AGBL5: variants seen among roughly 807,000 people sequenced by gnomAD.
The protein encoded by AGBL5 is AGBL carboxypeptidase 5, also known as cytosolic carboxypeptidase-like protein 5.
AGBL5 carries 51 observed loss-of-function variants against 88.0 expected under a neutral mutation model. That is an observed-to-expected ratio of 0.58 (90% CI 0.46 to 0.73). AGBL5 has a LOEUF of 0.73. Among genes scored for constraint, AGBL5 ranks in the 30% least tolerant of loss-of-function variants. The pLI is 0.00. For missense variants in AGBL5, 1,031 were observed against 1,162.2 expected, an observed-to-expected ratio of 0.89 and a Z score of 1.64; for synonymous variants, 446 against 438.8, an observed-to-expected ratio of 1.02 and a Z score of -0.21.
At chr2:27,054,206 T>G in intron 4 of AGBL5, 147 bp downstream of exon 4, 1 of 1,002,234 alleles carries the variant, frequency 1.0e-6, no homozygotes, top group Non-Finnish European at 1.4e-6. Context: ...TGGGTACCTT[T>G]GAAAACTATG....
In AGBL5 at chr2:27,055,742, C is replaced by T; in HGVS notation, c.969C>T (p.His323=). ...RQYLKPDAVL[H]PAIYGAKAVL... ...ACCTGAAGCCTGATGCCGTCCTGCA[C>T]CCGGCCATCTATGGGGCCAAAGCTG... The change falls in exon 7 of 15, where the codon CAC becomes CAT. Residue 323 remains histidine (H), a synonymous_variant. Transcript: ENST00000360131. 6.2e-7 allele frequency: 1 copy of T among 1,614,174 alleles called. No homozygotes were observed. Among genetic ancestry groups the T allele is most frequent in the Non-Finnish European group, 8.5e-7 (1 of 1,180,030 alleles).
At chr2:27,050,938 C>T (rs1338350447), upstream of AGBL5, 4 of 152,232 alleles carry the variant, frequency 2.6e-5, no homozygotes, top group Admixed American at 6.5e-5. Context: ...TGGAGGCCTC[C>T]TGTGACTTAG....
Position 27,070,121 on chromosome 2 carries a change from G to C in AGBL5, c.2519G>C (p.Arg840Pro), listed in dbSNP as rs140335340. 6.2e-7 allele frequency: 1 copy of C among 1,613,852 alleles called. No individual in the cohort carries two copies. The highest frequency in any genetic ancestry group is 2.2e-5 in the East Asian group (1 of 44,892). Reference sequence around the variant, plus strand: ...CCTCAGGCCAGGCCCCCACGGCCCCGCTCTGCCCCTGCCTTTTCTCCTATA... The same window carrying C: ...CCTCAGGCCAGGCCCCCACGGCCCCCCTCTGCCCCTGCCTTTTCTCCTATA... ...GLPQARPPRP[R>P]SAPAFSPISC... The change falls in exon 15 of 15, where the codon CGC (arginine) becomes CCC (proline). Residue 840 changes from arginine (R) to proline (P), a missense_variant. Physicochemically the swap from Arg to Pro is moderately radical, Grantham distance 103 (BLOSUM62 -2). Transcript: ENST00000360131.
intron 11 of AGBL5, chr2:27,062,814 G>C (rs1426518827): frequency 1.3e-5 from 2 of 152,316 alleles, no homozygotes; most frequent in Non-Finnish European, 2.9e-5. Flanking sequence ...AACAGAGCTG[G>C]TGGGTGGAGA....
At chr2:27,050,777 C>T (rs72808940), upstream of AGBL5, among the ~76,000 whole-genome samples, 76 of 152,328 alleles carry the variant, frequency 5.0e-4, 1 homozygote, top group South Asian at 8.3e-4. Flanking sequence ...CTTATCGCAG[C>T]GGAGCCTTCG....
chr2:27,054,463 A>G (rs565637270), intron 4 of AGBL5, among the ~76,000 whole-genome samples, 167 bp from the exon 5 acceptor site: 51 of 152,208 alleles, frequency 3.4e-4, no homozygotes, highest in Non-Finnish European at 6.2e-4. Flanking sequence ...CATTCTGGCA[A>G]TGTAAACCCA....
chr2:27,069,943 C>T, intron 14 of AGBL5, 149 bp from the exon 15 acceptor site: 1 of 1,486,816 alleles, frequency 6.7e-7, no homozygotes, highest in Non-Finnish European at 8.9e-7. Context: ...TGGCTGGTTC[C>T]AGCGTCAAAC....
intron 6 of AGBL5, 110 bp downstream of exon 6, chr2:27,055,363 C>T (rs1668376402): frequency 5.7e-6 from 8 of 1,401,534 alleles, no homozygotes; most frequent in South Asian, 5.3e-5. Context: ...CCTCTTGCAC[C>T]CTAATAAAGG....
Position 27,056,019 on chromosome 2 carries a change from G to T in AGBL5, c.1246G>T (p.Ala416Ser), listed in dbSNP as rs1668412481. 3 of 1,614,252 alleles carry T rather than the reference G, an allele frequency of 1.9e-6. No individual in the cohort carries two copies. The highest frequency in any genetic ancestry group is 2.5e-6 in the Non-Finnish European group (3 of 1,180,048). ...ACAGTCTGCGGGGCTTGAAGAGTCA[G>T]CCCCTGATACCATCCCCCCCAAAGA... Reference protein sequence around the residue: ...PQQSAGLEESAPDTIPPKESG... With the variant: ...PQQSAGLEESSPDTIPPKESG... The change falls in exon 7 of 15, where the codon GCC becomes TCC. Residue 416 changes from alanine to serine, a missense_variant. By Grantham distance (99) the Ala-to-Ser change is moderately conservative. This residue lies in a region of AGBL5 where 540 missense variants were observed against 678.2 expected (regional missense o/e 0.80). Transcript: ENST00000360131.
Position 27,053,404 on chromosome 2 carries a change from C to T in AGBL5, c.218C>T (p.Ser73Leu), listed in dbSNP as rs1668275259. ...CTCTCTCTTACTCTGGTCCTCAGGT[C>T]ATGGTTCTACTTCAGCGTCCGGGGA... is the stretch of plus-strand genomic sequence containing the variant. ...AETEFENGNR[S>L]WFYFSVRGGM... Residue 73 changes from serine (S) to leucine (L), a missense_variant and splice_region_variant, in exon 3 of 15, where the codon TCA becomes TTA. Physicochemically the swap from Ser to Leu is moderately radical, Grantham distance 145 (BLOSUM62 -2). Coordinates refer to ENST00000360131, the MANE Select transcript of AGBL5 (RefSeq NM_021831.6). This position sits in a 1 kb window ranked among gnomAD's most constrained non-coding sequence, Gnocchi z 4.9. 2 of 1,613,786 alleles carry T rather than the reference C, an allele frequency of 1.2e-6. No homozygotes were observed. Among genetic ancestry groups the T allele is most frequent in the South Asian group, 1.1e-5 (1 of 91,052 alleles).
intron 11 of AGBL5, among the ~76,000 whole-genome samples, chr2:27,063,650 T>C (rs1479826648): frequency 2.0e-5 from 3 of 150,384 alleles, no homozygotes; most frequent in Admixed American, 2.0e-4. Context: ...AGGGCATAAA[T>C]CAGGTCTGTG....
intron 11 of AGBL5, among the ~76,000 whole-genome samples, chr2:27,067,252 TAAAAAAAA>T (rs36064257): frequency 9.6e-6 from 1 of 104,482 alleles, no homozygotes; most frequent in Non-Finnish European, 2.0e-5. Context: ...TGGAAACCTT[TAAAAAAAA>T]AAAAAAAAAA....
Position 27,059,357 on chromosome 2 carries a change from G to A in AGBL5, c.2042G>A (p.Gly681Asp). The A allele has an allele frequency of 6.2e-7, 1 of 1,614,244 alleles. No homozygotes were observed. The highest frequency in any genetic ancestry group is 8.5e-7 in the Non-Finnish European group (1 of 1,180,040). The stretch of plus-strand genomic sequence containing the variant: ...CGGCCTGCAGGGCTGCCAGGCCTGG[G>A]CTCTAGTACCCAAAAGGTCACCCAC... ...GSRPAGLPGL[G>D]SSTQKVTHRV... is the part of the protein sequence containing the mutation. The change falls in exon 11 of 15, where the codon GGC becomes GAC. Residue 681 changes from glycine (G) to aspartate (D), a missense_variant. Around this residue, in one of 2 missense-constraint regions of AGBL5, gnomAD observed 491 missense variants for 484.0 expected, o/e 1.01. Coordinates refer to ENST00000360131, the MANE Select transcript of AGBL5 (RefSeq NM_021831.6).
chr2:27,063,631 A>G (rs2148295122), intron 11 of AGBL5, among the ~76,000 whole-genome samples: 1 of 151,050 alleles, frequency 6.6e-6, no homozygotes, highest in East Asian at 1.9e-4. Context: ...CCACCTTTCT[A>G]CCCCTCAGAG....
chr2:27,068,485 A>T (rs1200870795), intron 12 of AGBL5, 147 bp from the exon 13 acceptor site: 2 of 646,240 alleles, frequency 3.1e-6, no homozygotes, highest in Non-Finnish European at 5.3e-6. Context: ...GCTGCGAAAC[A>T]TCCTACAATG....
At chr2:27,052,031 C>T (rs1453356386) in intron 1 of AGBL5, 1 of 152,498 alleles carries the variant, frequency 6.6e-6, no homozygotes, top group Non-Finnish European at 1.5e-5. Context: ...CCATGCCTCC[C>T]AGTCCCACCC....
At chr2:27,066,896 A>G (rs1461044957) in intron 11 of AGBL5, among the ~76,000 whole-genome samples, 1 of 152,196 alleles carries the variant, frequency 6.6e-6, no homozygotes, top group Non-Finnish European at 1.5e-5. Flanking sequence ...CACCCTGACC[A>G]ACATGGTGAA....
rs759449969 is a variant in AGBL5, at chr2:27,069,638, C to T, written c.2421C>T (p.Pro807=). The T allele has an allele frequency of 3.1e-6, 5 of 1,614,198 alleles. No individual in the cohort carries two copies. In the Admixed American group the frequency reaches 8.3e-5, roughly 27 times the overall value. Residue 807 remains proline (P), a synonymous_variant, in exon 14 of 15, where the codon CCC becomes CCT. Coordinates refer to ENST00000360131, the MANE Select transcript of AGBL5 (RefSeq NM_021831.6). ...TRRGMKGSSG[P]TSPTPRTRES... ...GAGGGATGAAAGGCTCTTCAGGCCC[C>T]ACATCCCCTACCCCCCGGACCAGGG...
chr2:27,057,113 C>T (rs1218455672), intron 8 of AGBL5, 190 bp from the exon 9 acceptor site: 1 of 617,634 alleles, frequency 1.6e-6, no homozygotes, highest in Admixed American at 3.4e-5. Context: ...TAGGACTCTA[C>T]CTTGGGGGGA....
Sources: allele counts gnomAD v4.1 joint callset (sites outside exome capture counted in the v4.1 genomes callset), GRCh38; gene constraint gnomAD v4.1.1; regional missense constraint gnomAD v4.1.1; non-coding constraint Gnocchi (gnomAD v3.1); transcripts MANE v1.5; gene names NCBI Gene and HGNC (gene_info 2026-07-23, HGNC 2026-07-21).